The following PRKAR1B variants were observed in gnomAD, a reference collection of about 807,000 sequenced individuals.
PRKAR1B encodes the protein protein kinase cAMP-dependent type I regulatory subunit beta, also known as cAMP-dependent protein kinase type I-beta regulatory subunit.
PRKAR1B carries 22 observed loss-of-function variants against 46.5 expected under a neutral mutation model. The ratio of observed to expected loss-of-function variants is 0.47; its 90% confidence interval spans 0.34 to 0.68. The LOEUF (loss-of-function observed/expected upper bound fraction) is 0.68. PRKAR1B is among the 30% of genes least tolerant of loss of function. PRKAR1B has a pLI of 0.01. For synonymous variants in PRKAR1B, 259 were observed against 217.7 expected, an observed-to-expected ratio of 1.19 and a Z score of -1.67; for missense variants, 445 against 535.6, an observed-to-expected ratio of 0.83 and a Z score of 1.67.
intron 4 of PRKAR1B, among the ~76,000 whole-genome samples, chr7:648,543 G>A (rs772096819): frequency 6.6e-6 from 1 of 151,946 alleles, no homozygotes; most frequent in African/African-American, 2.4e-5. Flanking sequence ...CCCAGGAGGC[G>A]GAGGTTGCAG....
intron 2 of PRKAR1B, among the ~76,000 whole-genome samples, chr7:688,904 A>C (rs979073117): frequency 6.6e-6 from 1 of 152,236 alleles, no homozygotes; most frequent in Non-Finnish European, 1.5e-5. Flanking sequence ...GCCTGCATAC[A>C]GTAAATGCTT....
At position 705,193 on chromosome 7, in the gene PRKAR1B, G is replaced by A. The variant is rs190286255; in HGVS notation, c.177+6136C>T. 3.8e-3 allele frequency among the ~76,000 whole-genome samples: 580 copies of A among 151,930 alleles called. 6 individuals are homozygous for A. Among genetic ancestry groups the A allele is most frequent in the African/African-American group, 0.013 (555 of 41,408 alleles). Reference sequence around the variant, plus strand: ...TGTAATCCTAGCTATCCGGGAGGCTGAGGCAGGAAAATCGCTTGAAAATCA... The same window carrying A: ...TGTAATCCTAGCTATCCGGGAGGCTAAGGCAGGAAAATCGCTTGAAAATCA... On this transcript the variant is annotated intron_variant, in intron 2 of 10. Coordinates refer to ENST00000537384, the MANE Select transcript of PRKAR1B (RefSeq NM_001164760.2).
intron 4 of PRKAR1B, among the ~76,000 whole-genome samples, chr7:651,508 CT>C (rs1377563643): frequency 1.3e-5 from 2 of 151,784 alleles, no homozygotes; most frequent in Non-Finnish European, 2.9e-5. Flanking sequence ...GGGAAACCCC[CT>C]GTCAGAAGAC....
chr7:581,188 AG>A (rs538182032), intron 8 of PRKAR1B, among the ~76,000 whole-genome samples: 120 of 152,118 alleles, frequency 7.9e-4, no homozygotes, highest in Middle Eastern at 6.8e-3. Context: ...CTGTAGTCCC[AG>A]CTACTCCGGA....
At chr7:704,685 C>T (rs1442988640) in intron 2 of PRKAR1B, among the ~76,000 whole-genome samples, 1 of 152,030 alleles carries the variant, frequency 6.6e-6, no homozygotes, top group Non-Finnish European at 1.5e-5. Flanking sequence ...AGGAGAATCA[C>T]TTGAACCCAG....
At chr7:553,592 C>T (rs1030199800) in intron 9 of PRKAR1B, among the ~76,000 whole-genome samples, 3 of 152,202 alleles carry the variant, frequency 2.0e-5, no homozygotes, top group Admixed American at 1.3e-4. Context: ...TGGCAGACGG[C>T]GGCCCTCTGA....
At chr7:681,075 A>AG (rs1324112532) in intron 2 of PRKAR1B, among the ~76,000 whole-genome samples, 3 of 152,020 alleles carry the variant, frequency 2.0e-5, no homozygotes, top group Admixed American at 6.6e-5. Flanking sequence ...CGTGATAGTG[A>AG]GGGAGTTTTC....
At chr7:581,193 C>T (rs1387564892) in intron 8 of PRKAR1B, among the ~76,000 whole-genome samples, 4 of 151,850 alleles carry the variant, frequency 2.6e-5, no homozygotes, top group African/African-American at 9.7e-5. Context: ...GTCCCAGCTA[C>T]TCCGGAGGCT....
At position 549,943 on chromosome 7, in the gene PRKAR1B, T is replaced by A. The variant is rs1784073422; in HGVS notation, c.*487A>T. ...CACATTTGCGGGAGGGGCCTTGACTTCTTCGGCCTCAACTCCCTGCTCTCA... is the reference window on the plus strand; with the variant it reads ...CACATTTGCGGGAGGGGCCTTGACTACTTCGGCCTCAACTCCCTGCTCTCA... On this transcript the variant is annotated 3_prime_UTR_variant, in exon 11 of 11. Coordinates refer to ENST00000537384, the MANE Select transcript of PRKAR1B (RefSeq NM_001164760.2). The A allele has an allele frequency of 1.2e-5, 2 of 160,518 alleles. No individual in the cohort carries two copies. The highest frequency in any genetic ancestry group is 1.2e-4 in the Admixed American group (2 of 17,080). 9.9% of individuals were successfully genotyped at this position (160,518 alleles called of 1,614,324 possible).
At chr7:571,240 C>T (rs1779494556) in intron 9 of PRKAR1B, among the ~76,000 whole-genome samples, 1 of 152,048 alleles carries the variant, frequency 6.6e-6, no homozygotes, top group South Asian at 2.1e-4. Context: ...CAGCGCAGGC[C>T]GGGTCTGTCC....
chr7:690,912 A>G (rs1346361984), intron 2 of PRKAR1B, among the ~76,000 whole-genome samples: 1 of 152,128 alleles, frequency 6.6e-6, no homozygotes, highest in East Asian at 1.9e-4. Context: ...TGGTGTCTCC[A>G]CTGCCAGCCA....
chr7:654,696 TCACCATCAC>T (rs370236742), intron 4 of PRKAR1B, among the ~76,000 whole-genome samples: 3,484 of 45,016 alleles, frequency 0.077, 144 homozygotes, highest in African/African-American at 0.2. Context: ...CTCATCACCT[TCACCATCAC>T]CATCATCACC....
Position 623,819 on chromosome 7 carries a change from T to C in PRKAR1B, c.441-16367A>G, listed in dbSNP as rs139758594. Reference sequence around the variant, plus strand: ...GTCACTGAATAACGTTTTCTTGGCATTGGAGAGAGAAGCGCGTGAATGGCC... The same window carrying C: ...GTCACTGAATAACGTTTTCTTGGCACTGGAGAGAGAAGCGCGTGAATGGCC... On this transcript the variant is annotated intron_variant, in intron 4 of 10. Coordinates refer to ENST00000537384, the MANE Select transcript of PRKAR1B (RefSeq NM_001164760.2). Among the ~76,000 whole-genome samples the C allele has an allele frequency of 4.2e-3, 641 of 152,286 alleles. 5 individuals carry two copies. The highest frequency in any genetic ancestry group is 0.015 in the African/African-American group (613 of 41,552).
chr7:588,384 A>G (rs1780719514), intron 7 of PRKAR1B, among the ~76,000 whole-genome samples: 2 of 152,180 alleles, frequency 1.3e-5, no homozygotes, highest in African/African-American at 2.4e-5. Flanking sequence ...CTGATTCTCA[A>G]CAAATGTTAT....
At chr7:583,240 C>T (rs1452641853) in intron 8 of PRKAR1B, among the ~76,000 whole-genome samples, 2 of 152,102 alleles carry the variant, frequency 1.3e-5, no homozygotes, top group Non-Finnish European at 2.9e-5. Context: ...ATGGAAAGAC[C>T]CGCACGCTCC....
chr7:687,232 G>A (rs1050142052), intron 2 of PRKAR1B, among the ~76,000 whole-genome samples: 5 of 152,136 alleles, frequency 3.3e-5, no homozygotes, highest in African/African-American at 9.7e-5. Flanking sequence ...CAAAACCCAG[G>A]AGAAGCAAAA....
intron 7 of PRKAR1B, among the ~76,000 whole-genome samples, chr7:594,659 G>A (rs983954246): frequency 1.5e-4 from 23 of 152,126 alleles, no homozygotes; most frequent in Non-Finnish European, 2.9e-5. Context: ...CCAAGACCAT[G>A]AGGGGACCCC....
chr7:554,960 A>G (rs34188689), intron 9 of PRKAR1B, among the ~76,000 whole-genome samples: 27,453 of 152,126 alleles, frequency 0.18, 3,005 homozygotes, highest in African/African-American at 0.31. Flanking sequence ...GGGGAGGTGC[A>G]AGGTCCTCAA....
intron 1 of PRKAR1B, chr7:716,802 CCCAG>C (rs1379185295): frequency 6.6e-6 from 1 of 152,208 alleles, no homozygotes; most frequent in Admixed American, 6.5e-5. Flanking sequence ...CTGAGCCTTC[CCCAG>C]CCAGCTGCAT....
Sources: allele counts gnomAD v4.1 joint callset (sites outside exome capture counted in the v4.1 genomes callset), GRCh38; gene constraint gnomAD v4.1.1; transcripts MANE v1.5; gene names NCBI Gene and HGNC (gene_info 2026-07-23, HGNC 2026-07-21).